Variants in FAM83D observed in about 807,000 individuals in gnomAD.
FAM83D encodes protein FAM83D.
FAM83D carries 26 observed loss-of-function variants against 25.4 expected under a neutral mutation model. That is an observed-to-expected ratio of 1.02 (90% CI 0.75 to 1.42). FAM83D has a LOEUF of 1.42. Ranked by LOEUF, FAM83D falls within the 40% of genes most tolerant of loss-of-function variation. FAM83D has a pLI of 0.00. For synonymous variants in FAM83D, 310 were observed against 318.5 expected (o/e 0.97, Z 0.28); for missense variants, 740 against 758.1 (o/e 0.98, Z 0.28).
At chr20:38,934,848 C>A (rs947094192) in intron 1 of FAM83D, among the ~76,000 whole-genome samples, 6 of 151,990 alleles carry the variant, frequency 3.9e-5, no homozygotes, top group African/African-American at 1.5e-4. Flanking sequence ...GTGTAGTAGC[C>A]ATATGAGGCT....
In FAM83D at chr20:38,929,724, A is replaced by G. The variant is rs946818309; in HGVS notation, c.483+2799A>G. On this transcript the variant is annotated intron_variant, in intron 1 of 3. Coordinates refer to ENST00000619850, the MANE Select transcript of FAM83D (RefSeq NM_030919.3). ...GCCCAGGAGTTTGAGGCTGTAGTACACTATGACTACGCTGTGAATGGCTAC... is the reference window on the plus strand; with the variant it reads ...GCCCAGGAGTTTGAGGCTGTAGTACGCTATGACTACGCTGTGAATGGCTAC... Among the ~76,000 whole-genome samples, 7 of 151,216 alleles carry G rather than the reference A, an allele frequency of 4.6e-5. No homozygotes were observed. In the Admixed American group the frequency reaches 4.6e-4, roughly 10 times the overall value.
intron 1 of FAM83D, among the ~76,000 whole-genome samples, chr20:38,929,516 G>C (rs2085650335): frequency 2.0e-5 from 3 of 152,118 alleles, no homozygotes; most frequent in Admixed American, 2.0e-4. Context: ...CCCCACAGCG[G>C]GTTAGTGGTA....
intron 1 of FAM83D, among the ~76,000 whole-genome samples, chr20:38,935,849 C>A (rs979974536): frequency 2.6e-5 from 4 of 152,164 alleles, no homozygotes; most frequent in Non-Finnish European, 5.9e-5. Flanking sequence ...TGTTTTTAAA[C>A]CCCAAAGATG....
At chr20:38,928,425 T>A (rs2085645555) in intron 1 of FAM83D, among the ~76,000 whole-genome samples, 1 of 152,070 alleles carries the variant, frequency 6.6e-6, no homozygotes, top group Non-Finnish European at 1.5e-5. Context: ...AGCCCTGAGG[T>A]GCTTTGGGTG....
At chr20:38,944,722 G>A (rs2085719281) in intron 2 of FAM83D, among the ~76,000 whole-genome samples, 1 of 152,088 alleles carries the variant, frequency 6.6e-6, no homozygotes. Flanking sequence ...GGTGGATCAC[G>A]AGGTCAGGAG....
intron 2 of FAM83D, among the ~76,000 whole-genome samples, chr20:38,946,010 C>T (rs1601336718): frequency 6.6e-6 from 1 of 151,858 alleles, no homozygotes; most frequent in East Asian, 1.9e-4. Flanking sequence ...GAGTTTGAGA[C>T]CAGCTTGGCC....
chr20:38,932,527 G>T (rs1207904186), intron 1 of FAM83D, among the ~76,000 whole-genome samples: 1 of 152,212 alleles, frequency 6.6e-6, no homozygotes, highest in African/African-American at 2.4e-5. Flanking sequence ...TGTTTCCTAA[G>T]CAAGTTTTTG....
At chr20:38,938,400 C>T (rs2085687422) in intron 1 of FAM83D, among the ~76,000 whole-genome samples, 1 of 152,202 alleles carries the variant, frequency 6.6e-6, no homozygotes, top group South Asian at 2.1e-4. Context: ...TCTCATTAGA[C>T]TGCGTTCTTG....
chr20:38,943,024 C>CTT (rs112144207), intron 2 of FAM83D, among the ~76,000 whole-genome samples: 100 of 141,778 alleles, frequency 7.1e-4, no homozygotes, highest in Middle Eastern at 3.6e-3. Flanking sequence ...CTGCTCCATG[C>CTT]TTTTTTTTTT....
chr20:38,939,246 C>T (rs1168919386), intron 1 of FAM83D, among the ~76,000 whole-genome samples: 2 of 152,226 alleles, frequency 1.3e-5, no homozygotes, highest in Non-Finnish European at 2.9e-5. Context: ...GCTCAAATGC[C>T]ATCTCCTCCA....
rs140916362 is a variant in FAM83D, at chr20:38,951,717, C to A, written c.955C>A (p.Pro319Thr). ...GTTTGATCACCTCACCAACCGAAAA[C>A]CACAGTCCAAGGAGCTCACCCTGGG... ...NKFDHLTNRK[P>T]QSKELTLGNL... The change falls in exon 4 of 4, where the codon CCA becomes ACA. Residue 319 changes from proline (P) to threonine (T), a missense_variant. By Grantham distance (38) the Pro-to-Thr change is conservative (BLOSUM62 -1). This residue lies in a region of FAM83D where 375 missense variants were observed against 403.2 expected (regional missense o/e 0.93). Coordinates refer to ENST00000619850, the MANE Select transcript of FAM83D (RefSeq NM_030919.3). The A allele has an allele frequency of 1.9e-6, 3 of 1,614,068 alleles. No homozygotes were observed.
At chr20:38,945,117 T>A (rs985524452) in intron 2 of FAM83D, among the ~76,000 whole-genome samples, 2 of 152,160 alleles carry the variant, frequency 1.3e-5, no homozygotes, top group Non-Finnish European at 2.9e-5. Context: ...TGTAGCTGGT[T>A]CAGAATGTTG....
chr20:38,929,422 G>A (rs2085649958), intron 1 of FAM83D, among the ~76,000 whole-genome samples: 1 of 152,112 alleles, frequency 6.6e-6, no homozygotes, highest in South Asian at 2.1e-4. Context: ...TGACCTCAGA[G>A]CTGGGTGGGG....
chr20:38,931,912 G>A (rs1482577398), intron 1 of FAM83D, among the ~76,000 whole-genome samples: 1 of 152,226 alleles, frequency 6.6e-6, no homozygotes, highest in Non-Finnish European at 1.5e-5. Flanking sequence ...GGAAGGGAGC[G>A]GTAGATAGGA....
intron 1 of FAM83D, among the ~76,000 whole-genome samples, chr20:38,941,576 G>A (rs565285081): frequency 1.4e-3 from 207 of 152,340 alleles, no homozygotes; most frequent in Non-Finnish European, 2.5e-3. Context: ...AGATGACAGT[G>A]TGTTACCCAC....
chr20:38,938,627 G>A (rs1243069855), intron 1 of FAM83D, among the ~76,000 whole-genome samples: 3 of 152,056 alleles, frequency 2.0e-5, no homozygotes, highest in South Asian at 2.1e-4. Flanking sequence ...AATCCGTTTC[G>A]AAGCTCACCC....
chr20:38,938,133 A>G (rs1200878200), intron 1 of FAM83D, among the ~76,000 whole-genome samples: 1 of 152,194 alleles, frequency 6.6e-6, no homozygotes. Flanking sequence ...AGGCTTTAAA[A>G]CCAAACAATG....
intron 1 of FAM83D, among the ~76,000 whole-genome samples, chr20:38,931,307 C>T (rs913441163): frequency 6.6e-6 from 1 of 152,234 alleles, no homozygotes. Context: ...GGCAGAGAAC[C>T]TCCTCAACCC....
intron 3 of FAM83D, 79 bp downstream of exon 3, chr20:38,948,079 C>T: frequency 6.5e-7 from 1 of 1,535,666 alleles, no homozygotes; most frequent in East Asian, 2.3e-5. Context: ...AAAGCCTTTT[C>T]CTCTCAATGG....
Sources: allele counts gnomAD v4.1 joint callset (sites outside exome capture counted in the v4.1 genomes callset), GRCh38; gene constraint gnomAD v4.1.1; regional missense constraint gnomAD v4.1.1; transcripts MANE v1.5; gene names NCBI Gene and HGNC (gene_info 2026-07-23, HGNC 2026-07-21).